Variants in PDK2 observed in about 807,000 individuals in gnomAD.
PDK2 encodes pyruvate dehydrogenase kinase 2, also known as pyruvate dehydrogenase kinase, isozyme 2.
A neutral mutation model predicts 50.4 loss-of-function variants in PDK2; 34 were observed. The ratio of observed to expected loss-of-function variants is 0.68; its 90% CI spans 0.51 to 0.90. The LOEUF is 0.90. PDK2 is among the 40% of genes least tolerant of loss of function. The pLI, the probability that PDK2 is intolerant of heterozygous loss-of-function variation, is 0.00. For missense variants in PDK2, 377 were observed against 544.5 expected, an observed-to-expected ratio of 0.69 and a Z score of 3.06; for synonymous variants, 232 against 216.0, an observed-to-expected ratio of 1.07 and a Z score of -0.65.
At chr17:50,098,588 A>G (rs1250595073) in intron 2 of PDK2, 1 of 152,230 alleles carries the variant, frequency 6.6e-6, no homozygotes, top group Non-Finnish European at 1.5e-5. Context: ...TGCAAAATGC[A>G]CAATAGTAGA....
intron 2 of PDK2, among the ~76,000 whole-genome samples, chr17:50,103,280 T>TAA (rs1910328525): frequency 6.6e-6 from 1 of 151,602 alleles, no homozygotes; most frequent in African/African-American, 2.4e-5. Context: ...TAGGGAGGGG[T>TAA]GGGCGGTGAG....
At position 50,106,017 on chromosome 17, in the gene PDK2, G is replaced by A; in HGVS notation, c.465G>A (p.Leu155=). The change falls in exon 4 of 11, where the codon CTG becomes CTA. Residue 155 remains leucine, a synonymous_variant. Transcript: ENST00000503176. ...CCAACCAGAACATCCAGTACTTCCT[G>A]GACCGCTTCTACCTCAGCCGCATCT... is the stretch of plus-strand genomic sequence containing the variant. ...PVSNQNIQYF[L]DRFYLSRISI... is the part of the protein sequence containing the mutation. 1 of 1,609,838 alleles carries A rather than the reference G, an allele frequency of 6.2e-7. No homozygotes were observed. The highest frequency in any genetic ancestry group is 1.1e-5 in the South Asian group (1 of 90,234).
chr17:50,095,884 G>T, intron 1 of PDK2: 1 of 823,220 alleles, frequency 1.2e-6, no homozygotes, highest in Non-Finnish European at 1.5e-6. Context: ...AGGGTTAATG[G>T]GAGTTGTCCT....
intron 2 of PDK2, among the ~76,000 whole-genome samples, chr17:50,104,686 T>C (rs1317138518): frequency 1.3e-5 from 2 of 152,204 alleles, no homozygotes; most frequent in African/African-American, 4.8e-5. Context: ...CCTTTTGCAG[T>C]AGAGTGAGCT....
chr17:50,095,717 C>T (rs1909899629), intron 1 of PDK2, 164 bp downstream of exon 1: 1 of 1,427,040 alleles, frequency 7.0e-7, no homozygotes, highest in Non-Finnish European at 9.2e-7. Context: ...AGGAACCGGC[C>T]GGGGCCTCTC....
intron 2 of PDK2, among the ~76,000 whole-genome samples, chr17:50,100,544 G>T (rs12452327): frequency 1.3e-5 from 2 of 152,222 alleles, no homozygotes; most frequent in East Asian, 1.9e-4. Context: ...CCAGGCTGCC[G>T]GGCAGCAACA....
At chr17:50,105,536 G>A (rs1910462258) in intron 3 of PDK2, 94 bp downstream of exon 3, 3 of 1,025,946 alleles carry the variant, frequency 2.9e-6, no homozygotes, top group Non-Finnish European at 4.4e-6. Context: ...CAGGATGGAA[G>A]AAAAGACCCC....
At chr17:50,099,617 C>T (rs1489704791) in intron 2 of PDK2, among the ~76,000 whole-genome samples, 2 of 152,146 alleles carry the variant, frequency 1.3e-5, no homozygotes, top group Admixed American at 1.3e-4. Context: ...CACGGTGAAA[C>T]TCCATCTCTA....
chr17:50,097,463 C>G lies in PDK2; in HGVS notation c.159C>G (p.Leu53=). The G allele has an allele frequency of 1.9e-6, 3 of 1,614,018 alleles. No homozygotes were observed. Among genetic ancestry groups the G allele is most frequent in the Non-Finnish European group, 2.5e-6 (3 of 1,179,988 alleles). The change falls in exon 2 of 11, where the codon CTC becomes CTG. Residue 53 remains leucine, a synonymous_variant. Transcript: ENST00000503176. ...NACEKTSFTF[L]RQELPVRLAN... is the part of the protein sequence containing the mutation. ...GTGAGAAAACCTCCTTCACCTTCCT[C>G]AGGCAGGAGCTGCCTGTGCGCCTGG...
At chr17:50,107,596 T>G (rs1251939589) in intron 6 of PDK2, among the ~76,000 whole-genome samples, 1 of 151,936 alleles carries the variant, frequency 6.6e-6, no homozygotes, top group Non-Finnish European at 1.5e-5. Flanking sequence ...AATAAGAAAT[T>G]GAGTGAATGA....
chr17:50,096,596 A>G (rs908833252), intron 1 of PDK2, among the ~76,000 whole-genome samples: 1 of 152,108 alleles, frequency 6.6e-6, no homozygotes, highest in African/African-American at 2.4e-5. Context: ...TCCCCCATGT[A>G]GGAAAGCCTC....
chr17:50,107,243 T>C, intron 6 of PDK2, 90 bp downstream of exon 6: 1 of 938,068 alleles, frequency 1.1e-6, no homozygotes, highest in Non-Finnish European at 1.8e-6. Flanking sequence ...TGGACTGTTT[T>C]CTAGACAGGG....
intron 1 of PDK2, chr17:50,095,764 G>C: frequency 5.0e-6 from 7 of 1,399,386 alleles, no homozygotes; most frequent in Non-Finnish European, 6.5e-6. Context: ...GCATTTACAA[G>C]GACGGTCCCG....
chr17:50,105,783 G>A, intron 3 of PDK2, 102 bp from the exon 4 acceptor site: 6 of 1,452,146 alleles, frequency 4.1e-6, no homozygotes, highest in South Asian at 1.3e-5. Flanking sequence ...GGAGTCCATC[G>A]GATTGGGAAG....
intron 2 of PDK2, 40 bp downstream of exon 2, chr17:50,097,604 C>A: frequency 6.2e-7 from 1 of 1,603,340 alleles, no homozygotes. Context: ...CCCACTCCAT[C>A]GCCAGTGTCC....
intron 2 of PDK2, among the ~76,000 whole-genome samples, chr17:50,099,544 A>T (rs921331483): frequency 2.0e-5 from 3 of 152,268 alleles, no homozygotes; most frequent in African/African-American, 7.2e-5. Context: ...CTGTAATCCC[A>T]GCACTTTGGG....
chr17:50,096,222 G>A, intron 1 of PDK2: 2 of 985,536 alleles, frequency 2.0e-6, no homozygotes, highest in Non-Finnish European at 2.4e-6. Context: ...CTGGGCAGGG[G>A]CCCCAGGCAC....
In PDK2 at chr17:50,109,886, G is replaced by T; in HGVS notation, c.1084-71G>T. On this transcript the variant is annotated intron_variant, in intron 10 of 10. Coordinates refer to ENST00000503176, the MANE Select transcript of PDK2 (RefSeq NM_002611.5). This position sits in a 1 kb window ranked among gnomAD's most constrained non-coding sequence, Gnocchi z 5.0. Reference sequence around the variant, plus strand: ...TGGCAGCTGGGCTGCCGCTGAGCTGGGGTGGGGTGGTCTGCTGAGGAGTGG... The same window carrying T: ...TGGCAGCTGGGCTGCCGCTGAGCTGTGGTGGGGTGGTCTGCTGAGGAGTGG... 7.1e-7 allele frequency: 1 copy of T among 1,403,710 alleles called. No homozygotes were observed. The highest frequency in any genetic ancestry group is 9.4e-7 in the Non-Finnish European group (1 of 1,062,896). The allele number at this position is 1,403,710 out of a possible 1,614,324, so 87.0% of individuals were successfully genotyped here. A position where few individuals can be genotyped will look rare whatever the true frequency, so the allele number is the denominator to read the frequency against.
In PDK2 at chr17:50,108,187, C is replaced by G. The variant is rs779027023; in HGVS notation, c.717C>G (p.Val239=). The G allele has an allele frequency of 6.3e-7, 1 of 1,597,576 alleles. No individual in the cohort carries two copies. The highest frequency in any genetic ancestry group is 8.5e-7 in the Non-Finnish European group (1 of 1,170,730). The part of the protein sequence containing the change: ...AANSKQPIHM[V]YVPSHLYHML... ...ACTCCAAACAGCCGATTCACATGGTCTACGTCCCCTCCCACCTCTACCACA... is the reference window on the plus strand; with the variant it reads ...ACTCCAAACAGCCGATTCACATGGTGTACGTCCCCTCCCACCTCTACCACA... Residue 239 remains valine, a synonymous_variant, in exon 7 of 11, where the codon GTC becomes GTG. Coordinates refer to ENST00000503176, the MANE Select transcript of PDK2 (RefSeq NM_002611.5).
Sources: gnomAD v4.1 joint callset for allele counts (sites outside exome capture counted in the v4.1 genomes callset) on GRCh38, gnomAD v4.1.1 for gene constraint, Gnocchi (gnomAD v3.1) non-coding constraint, MANE v1.5 for transcripts, NCBI Gene and HGNC (gene_info 2026-07-23, HGNC 2026-07-21) for gene names.